Variants in BIN3 observed in about 807,000 individuals in gnomAD.
BIN3 encodes bridging integrator 3.
Under a neutral mutation model 38.2 loss-of-function variants are expected in BIN3, and 41 were observed. The ratio of observed to expected loss-of-function variants is 1.07; its 90% CI spans 0.84 to 1.39. The LOEUF (loss-of-function observed/expected upper bound fraction) is 1.39, where lower values mean the gene tolerates loss of function less well. BIN3 is among the 40% of genes most tolerant of loss of function. The pLI is 0.00. For synonymous variants in BIN3, 145 were observed against 122.6 expected (o/e 1.18, Z -1.21); for missense variants, 361 against 324.3 (o/e 1.11, Z -0.87).
At chr8:22,649,687 T>C (rs1179305945) in intron 1 of BIN3, among the ~76,000 whole-genome samples, 2 of 151,964 alleles carry the variant, frequency 1.3e-5, no homozygotes, top group Non-Finnish European at 2.9e-5. Flanking sequence ...CATTTTTCTT[T>C]CAAATAAACC....
intron 1 of BIN3, among the ~76,000 whole-genome samples, chr8:22,664,615 C>T (rs1803352677): frequency 6.6e-6 from 1 of 152,222 alleles, no homozygotes; most frequent in Admixed American, 6.5e-5. Context: ...AGTGAAACTC[C>T]GTGATCCAAT....
chr8:22,657,423 C>T (rs1351970789), intron 1 of BIN3, among the ~76,000 whole-genome samples: 1 of 152,248 alleles, frequency 6.6e-6, no homozygotes, highest in Non-Finnish European at 1.5e-5. Context: ...GGTCCAGCAA[C>T]AGTACATTCA....
chr8:22,659,167 G>A (rs1803152302), intron 1 of BIN3, among the ~76,000 whole-genome samples: 1 of 152,242 alleles, frequency 6.6e-6, no homozygotes, highest in Non-Finnish European at 1.5e-5. Flanking sequence ...TGGCCACAAT[G>A]CCAAAGGCCA....
At chr8:22,648,079 G>C (rs1438854673) in intron 1 of BIN3, among the ~76,000 whole-genome samples, 1 of 136,964 alleles carries the variant, frequency 7.3e-6, no homozygotes, top group Non-Finnish European at 1.6e-5. Flanking sequence ...AGCTTGCAGT[G>C]AGCCGAGATT....
At chr8:22,655,465 G>T (rs199946257) in intron 1 of BIN3, among the ~76,000 whole-genome samples, 1 of 152,320 alleles carries the variant, frequency 6.6e-6, no homozygotes, top group East Asian at 1.9e-4. Flanking sequence ...ATGGTGTGAG[G>T]TAGGGGTCCA....
intron 2 of BIN3, chr8:22,644,485 A>G (rs571315047): frequency 3.5e-4 from 156 of 442,268 alleles, no homozygotes; most frequent in South Asian, 1.9e-3. Flanking sequence ...TTCTAAAGCA[A>G]TATCTTCCTC....
At chr8:22,662,981 T>C (rs1039558959) in intron 1 of BIN3, among the ~76,000 whole-genome samples, 2 of 152,026 alleles carry the variant, frequency 1.3e-5, no homozygotes, top group Non-Finnish European at 2.9e-5. Flanking sequence ...TACTAAAAAA[T>C]GGTGGTGCAT....
intron 6 of BIN3, chr8:22,625,631 A>G (rs1403572967): frequency 1.8e-6 from 1 of 551,768 alleles, no homozygotes; most frequent in Non-Finnish European, 3.3e-6. Context: ...TCTCTCACCC[A>G]GGCTGGAGTA....
intron 2 of BIN3, among the ~76,000 whole-genome samples, chr8:22,643,367 A>G (rs189503358): frequency 1.1e-4 from 16 of 152,170 alleles, no homozygotes; most frequent in East Asian, 5.8e-4. Context: ...GTCTCAGTCT[A>G]TCACCTAGGG....
chr8:22,629,697 C>A (rs1802119842), intron 6 of BIN3: 3 of 560,716 alleles, frequency 5.4e-6, no homozygotes, highest in South Asian at 4.5e-5. Flanking sequence ...CAAATGACCA[C>A]CAGAACAGCG....
chr8:22,659,537 G>A (rs139914923), intron 1 of BIN3, among the ~76,000 whole-genome samples: 7 of 152,334 alleles, frequency 4.6e-5, no homozygotes, highest in African/African-American at 1.2e-4. Context: ...AGAGCTGGGC[G>A]ATCATCTCAT....
At chr8:22,629,709 C>T (rs917040986) in intron 6 of BIN3, 35 of 559,032 alleles carry the variant, frequency 6.3e-5, no homozygotes, top group African/African-American at 9.7e-5. Flanking sequence ...AGAACAGCGG[C>T]GGTTGCTGGG....
At chr8:22,627,087 A>G (rs1802029444) in intron 6 of BIN3, among the ~76,000 whole-genome samples, 1 of 152,198 alleles carries the variant, frequency 6.6e-6, no homozygotes, top group East Asian at 1.9e-4. Context: ...TGTCTTCACC[A>G]TGAAAACCTC....
rs370739500 is a variant in BIN3 at position 22,630,490 on chromosome 8, C to T, written c.249G>A (p.Thr83=). 20 of 1,613,882 alleles carry T rather than the reference C, an allele frequency of 1.2e-5. No homozygotes were observed. Among genetic ancestry groups the T allele is most frequent in the African/African-American group, 8.0e-5 (6 of 74,918 alleles). ...EQDQDLLNMV[T]ALDTAMKRMD... is the part of the protein sequence containing the mutation. The stretch of plus-strand genomic sequence containing the variant: ...TCCGCTTCATGGCCGTGTCCAGGGC[C>T]GTCACCATGTTCAGAAGGTCCTGGT... The change falls in exon 5 of 9, where the codon ACG becomes ACA. Residue 83 remains threonine, a synonymous_variant. Coordinates refer to ENST00000276416, the MANE Select transcript of BIN3 (RefSeq NM_018688.6).
At chr8:22,630,640 C>T in intron 4 of BIN3, 62 bp from the exon 5 acceptor site, 1 of 1,590,924 alleles carries the variant, frequency 6.3e-7, no homozygotes, top group Non-Finnish European at 8.6e-7. Context: ...GCCTTCTCTC[C>T]AGGACCCCGT....
chr8:22,658,082 C>G (rs907151018), intron 1 of BIN3, among the ~76,000 whole-genome samples: 9 of 152,228 alleles, frequency 5.9e-5, no homozygotes, highest in African/African-American at 2.2e-4. Context: ...TCTCTGAGTT[C>G]TGGAAGAAAT....
rs573975435 is a variant in BIN3 at position 22,620,841 on chromosome 8, G to A, written c.*581C>T. Reference sequence around the variant, plus strand: ...AGTTCCACTGACAGCTTGCGTTCCCGAGGTACCAGTCCTCAGTGACCTCGG... The same window carrying A: ...AGTTCCACTGACAGCTTGCGTTCCCAAGGTACCAGTCCTCAGTGACCTCGG... On this transcript the variant is annotated 3_prime_UTR_variant, in exon 9 of 9. Coordinates refer to ENST00000276416, the MANE Select transcript of BIN3 (RefSeq NM_018688.6). The A allele has an allele frequency of 5.6e-3, 856 of 152,448 alleles. 8 individuals carry two copies. Among genetic ancestry groups the A allele is most frequent in the South Asian group, 0.036 (176 of 4,830 alleles). 9.4% of individuals were successfully genotyped at this position (152,448 alleles called of 1,614,324 possible). A position where few individuals can be genotyped will look rare whatever the true frequency, so the allele number is the denominator to read the frequency against.
chr8:22,633,132 G>A (rs1047600053), intron 4 of BIN3, among the ~76,000 whole-genome samples: 37 of 152,122 alleles, frequency 2.4e-4, no homozygotes, highest in Non-Finnish European at 5.9e-5. Flanking sequence ...TGATGCCCCC[G>A]CTTCATGTGA....
At chr8:22,623,752 G>A (rs1422382730) in intron 8 of BIN3, among the ~76,000 whole-genome samples, 163 bp downstream of exon 8, 2 of 152,226 alleles carry the variant, frequency 1.3e-5, no homozygotes, top group African/African-American at 2.4e-5. Flanking sequence ...CCAAGTCGCT[G>A]AGCCTGGGAC....
Sources: gnomAD v4.1 joint callset for allele counts (sites outside exome capture counted in the v4.1 genomes callset) on GRCh38, gnomAD v4.1.1 for gene constraint, MANE v1.5 for transcripts, NCBI Gene and HGNC (gene_info 2026-07-23, HGNC 2026-07-21) for gene names.